FAM184B: variants seen among roughly 807,000 people sequenced by gnomAD.
The protein encoded by FAM184B is family with sequence similarity 184 member B.
Under a neutral mutation model 135.9 loss-of-function variants are expected in FAM184B, and 111 were observed. The observed-to-expected ratio is 0.82, with a 90% confidence interval of 0.70 to 0.96. FAM184B has a LOEUF of 0.96. Among genes scored for constraint, FAM184B ranks in the 40% least tolerant of loss-of-function variants. The pLI is 0.00. For missense variants in FAM184B, 1,375 were observed against 1,323.9 expected, an observed-to-expected ratio of 1.04 and a Z score of -0.60; for synonymous variants, 552 against 524.8, an observed-to-expected ratio of 1.05 and a Z score of -0.71.
At chr4:17,725,216 C>A (rs1289281369) in intron 1 of FAM184B, among the ~76,000 whole-genome samples, 2 of 152,064 alleles carry the variant, frequency 1.3e-5, no homozygotes, top group African/African-American at 4.8e-5. Flanking sequence ...CACTACCAAG[C>A]AGAACCATGG....
Position 17,687,346 on chromosome 4 carries a change from C to T in FAM184B, c.1596+1078G>A, listed in dbSNP as rs112269189. 3.6e-4 allele frequency among the ~76,000 whole-genome samples: 55 copies of T among 152,316 alleles called. 4 individuals carry two copies. The highest frequency in any genetic ancestry group is 1.3e-3 in the African/African-American group (52 of 41,578). ...ATTGAAGGCCGTGAGTTTTTTATGG[C>T]TCTCTTGCTGCTGAAACAGGAATTA... is the stretch of plus-strand genomic sequence containing the variant. On this transcript the variant is annotated intron_variant, in intron 7 of 17. Coordinates refer to ENST00000265018, the MANE Select transcript of FAM184B (RefSeq NM_015688.2).
chr4:17,686,682 C>T (rs1716598192), intron 7 of FAM184B, among the ~76,000 whole-genome samples: 1 of 152,266 alleles, frequency 6.6e-6, no homozygotes, highest in South Asian at 2.1e-4. Flanking sequence ...TGGCTCATGC[C>T]TGTAATCCCA....
At chr4:17,685,249 A>G (rs1387193916) in intron 7 of FAM184B, among the ~76,000 whole-genome samples, 2 of 150,336 alleles carry the variant, frequency 1.3e-5, no homozygotes, top group African/African-American at 2.4e-5. Context: ...ACAACATTCT[A>G]GATTAAGAAG....
intron 1 of FAM184B, among the ~76,000 whole-genome samples, chr4:17,710,114 T>A (rs968892916): frequency 6.6e-6 from 1 of 151,814 alleles, no homozygotes; most frequent in Non-Finnish European, 1.5e-5. Context: ...TCACCTGAGG[T>A]CAGGAGTTCG....
At chr4:17,741,608 C>A (rs556729626) in intron 1 of FAM184B, among the ~76,000 whole-genome samples, 1 of 152,136 alleles carries the variant, frequency 6.6e-6, no homozygotes, top group Non-Finnish European at 1.5e-5. Flanking sequence ...ACACAAGAAT[C>A]GATTAACCCA....
At chr4:17,777,091 CA>C (rs1474596729) in intron 1 of FAM184B, among the ~76,000 whole-genome samples, 1 of 152,006 alleles carries the variant, frequency 6.6e-6, no homozygotes, top group Non-Finnish European at 1.5e-5. Context: ...TCATAAAAGC[CA>C]AAAAGTAGAA....
At chr4:17,765,247 C>T (rs1399820577) in intron 1 of FAM184B, among the ~76,000 whole-genome samples, 1 of 152,050 alleles carries the variant, frequency 6.6e-6, no homozygotes. Flanking sequence ...TTTTTAATCA[C>T]TACATATTTC....
chr4:17,754,065 C>G (rs932458197), intron 1 of FAM184B, among the ~76,000 whole-genome samples: 1 of 152,078 alleles, frequency 6.6e-6, no homozygotes, highest in Non-Finnish European at 1.5e-5. Flanking sequence ...GTTACTGGAA[C>G]TGGGGGTGAA....
At chr4:17,767,712 A>AC (rs1276395263) in intron 1 of FAM184B, among the ~76,000 whole-genome samples, 5 of 39,196 alleles carry the variant, frequency 1.3e-4, no homozygotes, top group African/African-American at 3.8e-4. Flanking sequence ...CCCGCCCCCC[A>AC]CCCCCCGCCA....
Position 17,687,861 on chromosome 4 carries a change from G to C in FAM184B, c.1596+563C>G, listed in dbSNP as rs76101768. Among the ~76,000 whole-genome samples the C allele has an allele frequency of 6.8e-4, 104 of 152,302 alleles. No individual in the cohort carries two copies. The East Asian group carries it at 0.014, about 21-fold the overall frequency. ...ACCTCTGGCCTCCAGAACCGTGAGA[G>C]AGTACATTTCCATGGCTGAAGCCAC... On this transcript the variant is annotated intron_variant, in intron 7 of 17. Transcript: ENST00000265018.
rs769619782 is a variant in FAM184B at position 17,635,074 on chromosome 4, T to C, written c.2824A>G (p.Met942Val). Residue 942 changes from methionine to valine, a missense_variant, in exon 16 of 18, where the codon ATG becomes GTG. Physicochemically the swap from Met to Val is conservative, Grantham distance 21. Transcript: ENST00000265018. The part of the protein sequence containing the change: ...RFHYAAFPSA[M>V]SHRNRSFSFN... ...GAGAAAGACCGATTCCGGTGGGACA[T>C]GGCACTGGGGAATGCTGCGTAGTGA... 1.3e-6 allele frequency: 2 copies of C among 1,551,834 alleles called. No individual in the cohort carries two copies. The highest frequency in any genetic ancestry group is 1.2e-5 in the South Asian group (1 of 84,060).
intron 9 of FAM184B, among the ~76,000 whole-genome samples, chr4:17,659,131 G>A (rs1715852441): frequency 6.7e-6 from 1 of 150,306 alleles, no homozygotes; most frequent in African/African-American, 2.4e-5. Flanking sequence ...TTTGAGACAG[G>A]GTCTTGCTTT....
chr4:17,774,992 C>CTTTTTTTT (rs71167338), intron 1 of FAM184B, among the ~76,000 whole-genome samples: 45 of 81,742 alleles, frequency 5.5e-4, no homozygotes, highest in African/African-American at 9.7e-4. Flanking sequence ...TTTTCCTTTT[C>CTTTTTTTT]TTTTTTTTTT....
Position 17,631,937 on chromosome 4 carries a change from A to C in FAM184B, c.*595T>G, listed in dbSNP as rs985268527. On this transcript the variant is annotated 3_prime_UTR_variant, in exon 18 of 18. Coordinates refer to ENST00000265018, the MANE Select transcript of FAM184B (RefSeq NM_015688.2). Reference sequence around the variant, plus strand: ...AAATCACAAAGTCTGATGTTCCACAAAATGGAGTATGATGTTATGGACACT... The same window carrying C: ...AAATCACAAAGTCTGATGTTCCACACAATGGAGTATGATGTTATGGACACT... 6.6e-6 allele frequency: 1 copy of C among 152,196 alleles called. No homozygotes were observed. The highest frequency in any genetic ancestry group is 1.5e-5 in the Non-Finnish European group (1 of 68,040). 9.4% of individuals were successfully genotyped at this position (152,196 alleles called of 1,614,324 possible).
intron 1 of FAM184B, among the ~76,000 whole-genome samples, chr4:17,768,951 G>A (rs993730533): frequency 2.0e-5 from 3 of 152,006 alleles, no homozygotes; most frequent in African/African-American, 7.2e-5. Flanking sequence ...TTACAGGCAT[G>A]CGCCACCACG....
At chr4:17,725,022 AGGGTAG>A (rs1262178209) in intron 1 of FAM184B, among the ~76,000 whole-genome samples, 5 of 151,940 alleles carry the variant, frequency 3.3e-5, no homozygotes, top group Admixed American at 6.6e-5. Context: ...CGCATACCTG[AGGGTAG>A]GGCCTGGTCT....
At chr4:17,641,213 C>A (rs1014800025) in intron 13 of FAM184B, among the ~76,000 whole-genome samples, 3 of 152,080 alleles carry the variant, frequency 2.0e-5, no homozygotes, top group Non-Finnish European at 4.4e-5. Flanking sequence ...GTATTACAGG[C>A]GTGAGCTACC....
chr4:17,702,387 G>A (rs1717008979), intron 5 of FAM184B, among the ~76,000 whole-genome samples: 1 of 152,074 alleles, frequency 6.6e-6, no homozygotes, highest in Admixed American at 6.5e-5. Context: ...ATCAAGATTC[G>A]GTGACAGTAT....
intron 1 of FAM184B, among the ~76,000 whole-genome samples, chr4:17,744,492 A>ACACAC (rs1560191277): frequency 3.5e-5 from 4 of 115,112 alleles, no homozygotes; most frequent in South Asian, 2.8e-4. Context: ...CACACACACC[A>ACACAC]CACACACACA....
Sources: allele counts gnomAD v4.1 joint callset (sites outside exome capture counted in the v4.1 genomes callset), GRCh38; gene constraint gnomAD v4.1.1; transcripts MANE v1.5; gene names NCBI Gene and HGNC (gene_info 2026-07-23, HGNC 2026-07-21).